The following ENTREP2 variants were observed in gnomAD, a reference collection of about 807,000 sequenced individuals.
ENTREP2 encodes endosomal transmembrane epsin interactor 2.
At chr15:29,420,606 C>T in the ENTREP2 span, among the ~76,000 whole-genome samples, 1 of 152,076 alleles carries the variant, frequency 6.6e-6, no homozygotes, top group Non-Finnish European at 1.5e-5. Flanking sequence ...AGTTTGGTAC[C>T]AGTGGGCTTC....
chr15:29,396,439 G>C, the ENTREP2 span, among the ~76,000 whole-genome samples: 1 of 151,832 alleles, frequency 6.6e-6, no homozygotes, highest in African/African-American at 2.4e-5. Flanking sequence ...AAAATCCTTT[G>C]CCCATTTTTG....
the ENTREP2 span, among the ~76,000 whole-genome samples, chr15:29,362,814 T>C: frequency 6.6e-6 from 1 of 152,198 alleles, no homozygotes; most frequent in Non-Finnish European, 1.5e-5. Context: ...ATAAAAATAA[T>C]TGTCATGTTT....
At chr15:29,266,371 T>C in the ENTREP2 span, 5 of 152,238 alleles carry the variant, frequency 3.3e-5, no homozygotes, top group Admixed American at 2.6e-4. Context: ...GGAGTGTAAC[T>C]TGACACAAGC....
At chr15:29,232,174 A>T in the ENTREP2 span, among the ~76,000 whole-genome samples, 2 of 152,024 alleles carry the variant, frequency 1.3e-5, no homozygotes, top group Admixed American at 6.6e-5. Flanking sequence ...TACAGGTGTG[A>T]GCCACCGCTC....
At chr15:29,398,060 C>T in the ENTREP2 span, among the ~76,000 whole-genome samples, 2 of 150,750 alleles carry the variant, frequency 1.3e-5, no homozygotes, top group Non-Finnish European at 2.9e-5. Context: ...TTATTCCCTC[C>T]CCTCACAAAG....
At chr15:29,654,671 T>C in the ENTREP2 span, among the ~76,000 whole-genome samples, 1 of 152,224 alleles carries the variant, frequency 6.6e-6, no homozygotes, top group Non-Finnish European at 1.5e-5. Flanking sequence ...GTATACAAAA[T>C]TCCTATTGCC....
At chr15:29,444,455 CTTCTTTTTTTTCTTTTT>C in the ENTREP2 span, among the ~76,000 whole-genome samples, 52 of 149,618 alleles carry the variant, frequency 3.5e-4, no homozygotes, top group South Asian at 2.6e-3. Context: ...CCACAGCTTC[CTTCTTTTTTTTCTTTTT>C]TTCTTTTTTT....
the ENTREP2 span, among the ~76,000 whole-genome samples, chr15:29,134,293 C>A: frequency 8.1e-3 from 1,235 of 152,324 alleles, 25 homozygotes; most frequent in African/African-American, 0.028. Flanking sequence ...GGGCCATGCC[C>A]ACCTCCTGAC....
chr15:29,470,120 C>A, the ENTREP2 span, among the ~76,000 whole-genome samples: 1 of 152,208 alleles, frequency 6.6e-6, no homozygotes, highest in African/African-American at 2.4e-5. Flanking sequence ...AAGAATGGAT[C>A]CCAAATTAAC....
At chr15:29,268,903 G>A in the ENTREP2 span, 1 of 1,614,038 alleles carries the variant, frequency 6.2e-7, no homozygotes, top group African/African-American at 1.3e-5. Context: ...ATGGACCTTG[G>A]CCACAAACTT....
At chr15:29,224,360 A>G in the ENTREP2 span, among the ~76,000 whole-genome samples, 1 of 152,124 alleles carries the variant, frequency 6.6e-6, no homozygotes, top group African/African-American at 2.4e-5. Context: ...ACATTGAAAG[A>G]ACAAAGCTTC....
At chr15:29,189,155 C>T in the ENTREP2 span, among the ~76,000 whole-genome samples, 2 of 152,194 alleles carry the variant, frequency 1.3e-5, no homozygotes, top group Non-Finnish European at 2.9e-5. Context: ...AGTTTATACC[C>T]CATTGGCCAG....
At chr15:29,442,244 T>A in the ENTREP2 span, among the ~76,000 whole-genome samples, 2 of 152,020 alleles carry the variant, frequency 1.3e-5, no homozygotes, top group African/African-American at 4.8e-5. Flanking sequence ...TGGTATGGGG[T>A]CAGAGTGGAG....
chr15:29,314,199 G>T, the ENTREP2 span, among the ~76,000 whole-genome samples: 4 of 152,224 alleles, frequency 2.6e-5, no homozygotes, highest in African/African-American at 9.7e-5. Context: ...AAAGGGTTTA[G>T]AATATGATAT....
chr15:29,508,845 T>C, the ENTREP2 span, among the ~76,000 whole-genome samples: 1,024 of 152,134 alleles, frequency 6.7e-3, 10 homozygotes, highest in African/African-American at 0.023. Flanking sequence ...CAGCACAAGA[T>C]AAGGATGCCC....
At chr15:29,633,308 G>A in the ENTREP2 span, among the ~76,000 whole-genome samples, 3 of 152,198 alleles carry the variant, frequency 2.0e-5, no homozygotes, top group Non-Finnish European at 4.4e-5. Context: ...AGGCTTCAGG[G>A]AGAGGGAGGG....
chr15:29,237,538 A>G, the ENTREP2 span, among the ~76,000 whole-genome samples: 1 of 152,336 alleles, frequency 6.6e-6, no homozygotes, highest in Non-Finnish European at 1.5e-5. Flanking sequence ...TGTTTTGCCT[A>G]TGATTGATGA....
the ENTREP2 span, among the ~76,000 whole-genome samples, chr15:29,430,659 C>T: frequency 6.6e-6 from 1 of 151,890 alleles, no homozygotes; most frequent in South Asian, 2.1e-4. Context: ...CAAAAACAAA[C>T]AAACAAACAA....
At chr15:29,480,892 A>T in the ENTREP2 span, among the ~76,000 whole-genome samples, 1 of 152,280 alleles carries the variant, frequency 6.6e-6, no homozygotes, top group Non-Finnish European at 1.5e-5. Flanking sequence ...CACCATGGGA[A>T]GGAGGTGAGG....
Sources: gnomAD v4.1 joint callset for allele counts (sites outside exome capture counted in the v4.1 genomes callset) on GRCh38, gnomAD v4.1.1 for gene constraint, MANE v1.5 for transcripts, NCBI Gene and HGNC (gene_info 2026-07-23, HGNC 2026-07-21) for gene names.